Variants in AFG2A observed in about 807,000 individuals in gnomAD.
The protein encoded by AFG2A is ATPase family gene 2 protein homolog A.
chr4:123,049,115 T>C, the AFG2A span, among the ~76,000 whole-genome samples: 50 of 152,314 alleles, frequency 3.3e-4, 1 homozygote, highest in South Asian at 1.0e-2. Flanking sequence ...TCTGTTGAAA[T>C]GATCCTATGG....
At chr4:123,081,159 A>T in the AFG2A span, among the ~76,000 whole-genome samples, 1 of 152,230 alleles carries the variant, frequency 6.6e-6, no homozygotes, top group Non-Finnish European at 1.5e-5. Flanking sequence ...GGTATTGTAC[A>T]TTCTGTGGGT....
the AFG2A span, among the ~76,000 whole-genome samples, chr4:123,197,139 T>C: frequency 6.6e-6 from 1 of 152,204 alleles, no homozygotes; most frequent in Non-Finnish European, 1.5e-5. Flanking sequence ...AAGTTTACGG[T>C]AAGGAGCCAA....
the AFG2A span, among the ~76,000 whole-genome samples, chr4:123,038,047 A>G: frequency 6.6e-6 from 1 of 152,030 alleles, no homozygotes; most frequent in African/African-American, 2.4e-5. Flanking sequence ...ATAACATTCT[A>G]TGAGTAGGTC....
chr4:123,231,679 T>C, the AFG2A span, among the ~76,000 whole-genome samples: 1 of 152,058 alleles, frequency 6.6e-6, no homozygotes, highest in Admixed American at 6.6e-5. Context: ...TCAATGCACC[T>C]GCTTCACAAA....
At chr4:123,015,203 AATTG>A in the AFG2A span, among the ~76,000 whole-genome samples, 2 of 49,512 alleles carry the variant, frequency 4.0e-5, no homozygotes, top group African/African-American at 1.2e-4. Context: ...TTTTTTTTTT[AATTG>A]ATCATTCTTG....
At chr4:123,228,327 C>A in the AFG2A span, among the ~76,000 whole-genome samples, 1,224 of 152,030 alleles carry the variant, frequency 8.1e-3, 7 homozygotes, top group Non-Finnish European at 0.012. Flanking sequence ...ATGGTCTTTA[C>A]AATTTGGCAT....
the AFG2A span, among the ~76,000 whole-genome samples, chr4:123,261,422 C>G: frequency 2.0e-5 from 3 of 152,050 alleles, no homozygotes; most frequent in Non-Finnish European, 4.4e-5. Context: ...AACAATACAA[C>G]AACAAAAAGT....
At chr4:122,939,039 A>G in the AFG2A span, among the ~76,000 whole-genome samples, 12 of 147,582 alleles carry the variant, frequency 8.1e-5, no homozygotes, top group African/African-American at 2.7e-4. Context: ...AAACTTATTC[A>G]TATTACCAGA....
chr4:122,968,392 A>T, the AFG2A span, among the ~76,000 whole-genome samples: 2 of 152,204 alleles, frequency 1.3e-5, no homozygotes, highest in Non-Finnish European at 2.9e-5. Flanking sequence ...TCAGATCAAG[A>T]TACAGAGCAT....
At chr4:123,166,479 G>C in the AFG2A span, among the ~76,000 whole-genome samples, 1 of 152,028 alleles carries the variant, frequency 6.6e-6, no homozygotes, top group African/African-American at 2.4e-5. Context: ...TGTTAGTTCT[G>C]CCCCTCTAGT....
chr4:123,039,714 G>T, the AFG2A span, among the ~76,000 whole-genome samples: 4 of 151,822 alleles, frequency 2.6e-5, no homozygotes, highest in South Asian at 4.2e-4. Flanking sequence ...GCAAGTATAG[G>T]GCTGTAGTAT....
At chr4:123,002,028 T>G in the AFG2A span, among the ~76,000 whole-genome samples, 1,866 of 152,320 alleles carry the variant, frequency 0.012, 42 homozygotes, top group African/African-American at 0.041. Context: ...TTAGCTCTTC[T>G]TGTTGAATTG....
the AFG2A span, among the ~76,000 whole-genome samples, chr4:123,013,411 T>C: frequency 6.6e-6 from 1 of 152,214 alleles, no homozygotes; most frequent in East Asian, 1.9e-4. Context: ...ACTCTCCAAC[T>C]TTTTTCTTTA....
At chr4:123,050,112 G>A in the AFG2A span, among the ~76,000 whole-genome samples, 1 of 151,990 alleles carries the variant, frequency 6.6e-6, no homozygotes, top group Admixed American at 6.6e-5. Context: ...AGTTTCCAAA[G>A]TTGTTCTTGT....
chr4:123,267,289 CT>C, the AFG2A span, among the ~76,000 whole-genome samples: 1 of 151,986 alleles, frequency 6.6e-6, no homozygotes, highest in Non-Finnish European at 1.5e-5. Context: ...AGGGTTTTCT[CT>C]TTTTATTTTA....
chr4:123,213,060 A>G, the AFG2A span, among the ~76,000 whole-genome samples: 1 of 152,144 alleles, frequency 6.6e-6, no homozygotes, highest in Non-Finnish European at 1.5e-5. Context: ...ACCTTCCAGC[A>G]TTTGAAGCTA....
At chr4:122,956,161 A>G in the AFG2A span, among the ~76,000 whole-genome samples, 1 of 152,270 alleles carries the variant, frequency 6.6e-6, no homozygotes, top group Non-Finnish European at 1.5e-5. Context: ...TACAAATATA[A>G]TGATAAACTA....
chr4:122,979,302 G>T, the AFG2A span: 18,452 of 1,614,198 alleles, frequency 0.011, 158 homozygotes, highest in South Asian at 0.029. Flanking sequence ...CTGGACTGGT[G>T]AAGATTACTC....
chr4:123,277,967 T>C, the AFG2A span, among the ~76,000 whole-genome samples: 2 of 152,156 alleles, frequency 1.3e-5, no homozygotes, highest in Non-Finnish European at 2.9e-5. Flanking sequence ...GGTTTGGGTA[T>C]CACAATGATG....
Sources: allele counts gnomAD v4.1 joint callset (sites outside exome capture counted in the v4.1 genomes callset), GRCh38; gene constraint gnomAD v4.1.1; transcripts MANE v1.5; gene names NCBI Gene and HGNC (gene_info 2026-07-23, HGNC 2026-07-21).